The following PPP2R1B variants were observed in gnomAD, a reference collection of about 807,000 sequenced individuals.
PPP2R1B encodes protein phosphatase 2 scaffold subunit Abeta, also known as serine/threonine-protein phosphatase 2A 65 kDa regulatory subunit A beta isoform.
In PPP2R1B, 58 loss-of-function variants were observed where a neutral mutation model predicts 72.7. The ratio of observed to expected loss-of-function variants is 0.80; its 90% CI spans 0.65 to 0.99. PPP2R1B has a LOEUF of 0.99. Ranked by LOEUF, PPP2R1B falls within the 50% of genes least tolerant of loss-of-function variation. PPP2R1B has a pLI of 0.00. For missense variants in PPP2R1B, 695 were observed against 733.6 expected, an observed-to-expected ratio of 0.95 and a Z score of 0.61; for synonymous variants, 256 against 264.6, an observed-to-expected ratio of 0.97 and a Z score of 0.32.
chr11:111,691,622 A>G, the PPP2R1B span, among the ~76,000 whole-genome samples: 1 of 152,202 alleles, frequency 6.6e-6, no homozygotes, highest in South Asian at 2.1e-4. Context: ...CCATCATTCT[A>G]TGGTTGTACA....
At chr11:111,703,341 A>G in the PPP2R1B span, 1 of 1,614,078 alleles carries the variant, frequency 6.2e-7, no homozygotes, top group Non-Finnish European at 8.5e-7. Flanking sequence ...GAGCAAGAAA[A>G]TGAGCCATCC....
rs1463983424 is a variant in PPP2R1B, at chr11:111,764,804, C to T, written c.306+1G>A. ...AGGGTAGGCAGCTTATAAATACTCA[C>T]CAGCAGACAGTGGGCAAAGTCAGGA... is the stretch of plus-strand genomic sequence containing the variant. On this transcript the variant is annotated splice_donor_variant, in intron 3 of 14. Transcript: ENST00000527614. LOFTEE classifies it high-confidence loss of function. 5 of 1,613,874 alleles carry T rather than the reference C, an allele frequency of 3.1e-6. No individual in the cohort carries two copies. In the East Asian group the frequency reaches 1.1e-4, roughly 36 times the overall value.
downstream of PPP2R1B, among the ~76,000 whole-genome samples, chr11:111,734,155 G>C (rs1448010637): frequency 6.6e-6 from 1 of 152,174 alleles, no homozygotes; most frequent in Non-Finnish European, 1.5e-5. Flanking sequence ...TCCCCTGGAG[G>C]GCTGTCACAG....
chr11:111,758,441 T>A lies in PPP2R1B; in HGVS notation c.687+1363A>T, dbSNP rs190914808. Among the ~76,000 whole-genome samples the A allele has an allele frequency of 4.6e-5, 7 of 152,218 alleles. No individual in the cohort carries two copies. In the East Asian group the frequency reaches 1.4e-3, roughly 29 times the overall value. On this transcript the variant is annotated intron_variant, in intron 5 of 14. Coordinates refer to ENST00000527614, the MANE Select transcript of PPP2R1B (RefSeq NM_002716.5). ...CCCGTCTCTACTAAAAATACAAAAG[T>A]TAGCTTGGCGTGGTGGCATGCGCCT...
chr11:111,694,212 A>G, the PPP2R1B span, among the ~76,000 whole-genome samples: 16 of 152,218 alleles, frequency 1.1e-4, no homozygotes, highest in Non-Finnish European at 2.4e-4. Flanking sequence ...TTTAATAGCC[A>G]TATAACCCTC....
chr11:111,761,177 C>A, intron 3 of PPP2R1B, 126 bp from the exon 4 acceptor site: 2 of 841,458 alleles, frequency 2.4e-6, no homozygotes, highest in Non-Finnish European at 3.9e-6. Context: ...TGCATCATAC[C>A]AAATGGTTAC....
intron 15 of PPP2R1B, chr11:111,728,832 G>A (rs1410596366): frequency 2.6e-5 from 4 of 151,808 alleles, no homozygotes; most frequent in African/African-American, 7.3e-5. Context: ...GCTGAGGCAG[G>A]AGAATGGCGT....
At chr11:111,724,130 T>C (rs775312022), downstream of PPP2R1B, 9 of 1,605,992 alleles carry the variant, frequency 5.6e-6, no homozygotes, top group Admixed American at 3.3e-5. Flanking sequence ...GGTGAATTAG[T>C]CTCAGCACAG....
intron 10 of PPP2R1B, among the ~76,000 whole-genome samples, chr11:111,750,619 G>A (rs1448297762): frequency 6.6e-6 from 1 of 152,126 alleles, no homozygotes; most frequent in African/African-American, 2.4e-5. Context: ...TCTGTAATAA[G>A]TGCTACCAAC....
intron 5 of PPP2R1B, 62 bp from the exon 6 acceptor site, chr11:111,755,512 G>A: frequency 2.1e-6 from 3 of 1,458,028 alleles, no homozygotes; most frequent in Non-Finnish European, 2.7e-6. Flanking sequence ...ACTGCTGTGG[G>A]GTGGTGCAGG....
the PPP2R1B span, among the ~76,000 whole-genome samples, chr11:111,696,892 C>A: frequency 2.6e-5 from 4 of 152,294 alleles, no homozygotes; most frequent in South Asian, 6.2e-4. Context: ...TTCATTCCCC[C>A]CCTACTCACC....
At position 111,755,419 on chromosome 11, in the gene PPP2R1B, C is replaced by A; in HGVS notation, c.719G>T (p.Cys240Phe). The A allele has an allele frequency of 6.2e-7, 1 of 1,609,404 alleles. No individual in the cohort carries two copies. The highest frequency in any genetic ancestry group is 8.5e-7 in the Non-Finnish European group (1 of 1,178,928). ...AGACAATAACTGGGCAATACTGACA[C>A]AAGCTTCCACAGCAAGGAGGCGCAC... is the stretch of plus-strand genomic sequence containing the variant. Reference protein sequence around the residue: ...DSVRLLAVEACVSIAQLLSQD... With the variant: ...DSVRLLAVEAFVSIAQLLSQD... Residue 240 changes from cysteine to phenylalanine, a missense_variant, in exon 6 of 15, where the codon TGT becomes TTT. Transcript: ENST00000527614.
chr11:111,729,415 C>G (rs1262361232), intron 15 of PPP2R1B: 1 of 152,278 alleles, frequency 6.6e-6, no homozygotes, highest in Non-Finnish European at 1.5e-5. Flanking sequence ...ACTTTCTCTT[C>G]TAACCCTCAC....
At chr11:111,720,077 C>T in the PPP2R1B span, 4 of 1,430,888 alleles carry the variant, frequency 2.8e-6, no homozygotes, top group Admixed American at 5.9e-5. Context: ...CAAGTGGTCA[C>T]GATGCCAGCC....
At chr11:111,715,951 G>A in the PPP2R1B span, among the ~76,000 whole-genome samples, 1 of 151,830 alleles carries the variant, frequency 6.6e-6, no homozygotes, top group Non-Finnish European at 1.5e-5. Flanking sequence ...ACAGGCGCCT[G>A]CCACCACACC....
the PPP2R1B span, chr11:111,719,737 G>GTGCAGAAACTGAGTTTCCTCTCTCCCC: frequency 2.4e-4 from 375 of 1,583,286 alleles, 3 homozygotes; most frequent in African/African-American, 4.6e-3. Context: ...TGTCTCAGCA[G>GTGCAGAAACTGAGTTTCCTCTCTCCCC]TGCAGAAACT....
chr11:111,761,948 A>G (rs1175954319), intron 3 of PPP2R1B, among the ~76,000 whole-genome samples: 1 of 152,036 alleles, frequency 6.6e-6, no homozygotes, highest in Admixed American at 6.6e-5. Flanking sequence ...TGACAGAGTG[A>G]GGCTCTTGTC....
chr11:111,721,835 A>T, the PPP2R1B span: 1 of 1,606,310 alleles, frequency 6.2e-7, no homozygotes, highest in South Asian at 1.1e-5. Context: ...CTCAGGAAGA[A>T]GTTTCTCAGC....
chr11:111,698,856 C>T, the PPP2R1B span, among the ~76,000 whole-genome samples: 13 of 152,174 alleles, frequency 8.5e-5, no homozygotes, highest in Non-Finnish European at 1.6e-4. Context: ...AACACACATC[C>T]GAGAGCTTCT....
Sources: allele counts gnomAD v4.1 joint callset (sites outside exome capture counted in the v4.1 genomes callset), GRCh38; gene constraint gnomAD v4.1.1; transcripts MANE v1.5; gene names NCBI Gene and HGNC (gene_info 2026-07-23, HGNC 2026-07-21).